Variants in CPED1 observed in about 807,000 individuals in gnomAD.
The protein encoded by CPED1 is cadherin-like and PC-esterase domain-containing protein 1.
In CPED1, 114 loss-of-function variants were observed where a neutral mutation model predicts 128.2. The ratio of observed to expected loss-of-function variants is 0.89; its 90% CI spans 0.76 to 1.04. The LOEUF (loss-of-function observed/expected upper bound fraction) is 1.04. Among genes scored for constraint, CPED1 ranks in the 50% least tolerant of loss-of-function variants. The pLI is 0.00. For missense variants in CPED1, 1,211 were observed against 1,207.1 expected (o/e 1.00, Z -0.05); for synonymous variants, 462 against 426.7 (o/e 1.08, Z -1.02).
chr7:121,155,684 T>A (rs1377142048), intron 16 of CPED1, among the ~76,000 whole-genome samples: 1 of 152,184 alleles, frequency 6.6e-6, no homozygotes, highest in East Asian at 1.9e-4. Context: ...AGACCCTTAT[T>A]TCTCATATGC....
At chr7:121,182,102 T>A (rs1049222523) in intron 16 of CPED1, among the ~76,000 whole-genome samples, 7 of 152,088 alleles carry the variant, frequency 4.6e-5, no homozygotes. Flanking sequence ...TGCATATTTC[T>A]GTTATTTTAG....
intron 22 of CPED1, among the ~76,000 whole-genome samples, chr7:121,273,067 A>G (rs1792264315): frequency 6.8e-6 from 1 of 146,752 alleles, no homozygotes; most frequent in African/African-American, 2.7e-5. Context: ...TGAAACTGAG[A>G]TGAATAGTGC....
chr7:121,207,239 C>T (rs1428400836), intron 16 of CPED1, among the ~76,000 whole-genome samples: 1 of 151,844 alleles, frequency 6.6e-6, no homozygotes, highest in Non-Finnish European at 1.5e-5. Context: ...TATTCTTGTA[C>T]TCATTTCTAT....
At chr7:121,101,672 T>G (rs767350057) in intron 7 of CPED1, among the ~76,000 whole-genome samples, 4 of 151,998 alleles carry the variant, frequency 2.6e-5, no homozygotes, top group Non-Finnish European at 5.9e-5. Flanking sequence ...TGTACAAGTA[T>G]GGAACCAGCA....
intron 16 of CPED1, among the ~76,000 whole-genome samples, chr7:121,190,100 A>G (rs554086408): frequency 2.0e-5 from 3 of 152,118 alleles, no homozygotes; most frequent in Admixed American, 2.0e-4. Flanking sequence ...GCTCTGAAGA[A>G]AAATTAAACA....
chr7:121,025,612 AC>A (rs1241545191), intron 3 of CPED1, among the ~76,000 whole-genome samples: 1 of 151,896 alleles, frequency 6.6e-6, no homozygotes, highest in Non-Finnish European at 1.5e-5. Context: ...GTTCTTCCAA[AC>A]CCTTTTCCCT....
rs776682837 is a variant in CPED1 at position 121,266,308 on chromosome 7, C to CAG, written c.2394_2395dup (p.Lys799ArgfsTer18). On this transcript the variant is annotated frameshift_variant, in exon 19 of 23. Coordinates refer to ENST00000310396, the MANE Select transcript of CPED1 (RefSeq NM_024913.5). LOFTEE classifies it high-confidence loss of function. ...GCTGAATGAAACGTTGCAGGAATGGCAGAAAGTACATGGCACTAAATTCTA... is the reference window on the plus strand; with the variant it reads ...GCTGAATGAAACGTTGCAGGAATGGCAGAGAAAGTACATGGCACTAAATTCTA... 5 of 1,613,126 alleles carry CAG rather than the reference C, an allele frequency of 3.1e-6. No individual in the cohort carries two copies. The highest frequency in any genetic ancestry group is 4.2e-6 in the Non-Finnish European group (5 of 1,179,392).
At chr7:121,150,771 A>G (rs994666689) in intron 16 of CPED1, among the ~76,000 whole-genome samples, 53 of 151,286 alleles carry the variant, frequency 3.5e-4, no homozygotes, top group Middle Eastern at 3.4e-3. Context: ...TATTATTATT[A>G]TTATTATTAT....
chr7:121,171,091 G>A lies in CPED1; in HGVS notation c.2055+28950G>A, dbSNP rs537025458. Among the ~76,000 whole-genome samples the A allele has an allele frequency of 5.3e-5, 8 of 151,864 alleles. No individual in the cohort carries two copies. In the East Asian group the frequency reaches 1.2e-3, roughly 22 times the overall value. ...AAAAAAATAAGAAAATTCAAAAGGA[G>A]ATCTTCATGTCTCTTAGTCTACTAG... On this transcript the variant is annotated intron_variant, in intron 16 of 22. Coordinates refer to ENST00000310396, the MANE Select transcript of CPED1 (RefSeq NM_024913.5).
At chr7:121,053,373 G>T (rs1046248163) in intron 4 of CPED1, among the ~76,000 whole-genome samples, 1 of 152,036 alleles carries the variant, frequency 6.6e-6, no homozygotes, top group African/African-American at 2.4e-5. Flanking sequence ...GTGTTTTGTG[G>T]AATGATCCTC....
intron 2 of CPED1, among the ~76,000 whole-genome samples, chr7:121,015,332 A>G (rs948704441): frequency 6.6e-6 from 1 of 152,370 alleles, no homozygotes; most frequent in Non-Finnish European, 1.5e-5. Context: ...ACTTTATAAA[A>G]GCACAGTGCA....
chr7:121,124,231 TAG>T, intron 7 of CPED1, 98 bp from the exon 8 acceptor site: 1 of 1,080,500 alleles, frequency 9.3e-7, no homozygotes. Flanking sequence ...GTGTGACAAG[TAG>T]AGATAACCTA....
At chr7:121,189,180 G>A (rs1180404005) in intron 16 of CPED1, among the ~76,000 whole-genome samples, 1 of 152,118 alleles carries the variant, frequency 6.6e-6, no homozygotes, top group African/African-American at 2.4e-5. Flanking sequence ...TTATGAAGAT[G>A]AAGGATACTT....
chr7:121,062,258 C>T (rs533290911), intron 4 of CPED1, among the ~76,000 whole-genome samples: 11 of 152,208 alleles, frequency 7.2e-5, no homozygotes, highest in Middle Eastern at 3.4e-3. Context: ...TCACCAGCAA[C>T]GGAATGATTT....
At position 121,200,162 on chromosome 7, in the gene CPED1, C is replaced by A. The variant is rs141107721; in HGVS notation, c.2056-36552C>A. Among the ~76,000 whole-genome samples the A allele has an allele frequency of 4.7e-4, 71 of 152,216 alleles. No homozygotes were observed. In the East Asian group the frequency reaches 0.014, roughly 29 times the overall value. ...ACATGTAAGATTTTCATAACATTAT[C>A]ATATTCATCATTTAATGAATCAATT... is the stretch of plus-strand genomic sequence containing the variant. On this transcript the variant is annotated intron_variant, in intron 16 of 22. Coordinates refer to ENST00000310396, the MANE Select transcript of CPED1 (RefSeq NM_024913.5).
intron 22 of CPED1, among the ~76,000 whole-genome samples, chr7:121,283,884 G>T (rs138091673): frequency 1.2e-3 from 189 of 152,296 alleles, no homozygotes; most frequent in Non-Finnish European, 2.2e-3. Context: ...CTCAGTTGGT[G>T]GGTTTCCAAA....
At chr7:121,191,050 A>G (rs1431972049) in intron 16 of CPED1, among the ~76,000 whole-genome samples, 1 of 152,144 alleles carries the variant, frequency 6.6e-6, no homozygotes, top group Non-Finnish European at 1.5e-5. Flanking sequence ...TGCCAAGGTT[A>G]CTGGGAGGTA....
At chr7:121,294,464 C>T (rs1240791206) in intron 22 of CPED1, among the ~76,000 whole-genome samples, 2 of 152,024 alleles carry the variant, frequency 1.3e-5, no homozygotes, top group Non-Finnish European at 2.9e-5. Flanking sequence ...CCAACAAATC[C>T]GTTTTCTTAG....
rs770313461 is a variant in CPED1, at chr7:121,097,766, G to A, written c.684G>A (p.Ser228=). The A allele has an allele frequency of 2.5e-6, 4 of 1,613,818 alleles. No individual in the cohort carries two copies. The highest frequency in any genetic ancestry group is 2.2e-5 in the South Asian group (2 of 91,076). The change falls in exon 6 of 23, where the codon TCG becomes TCA. Residue 228 remains serine (S), a synonymous_variant. Transcript: ENST00000310396. The part of the protein sequence containing the change: ...DQGMQLKPST[S]SHLLKTVKPR... ...GAATGCAATTAAAGCCGAGTACTTC[G>A]AGTCACCTTTTAAAAACAGTGAAGC...
Sources: allele counts gnomAD v4.1 joint callset (sites outside exome capture counted in the v4.1 genomes callset), GRCh38; gene constraint gnomAD v4.1.1; transcripts MANE v1.5; gene names NCBI Gene and HGNC (gene_info 2026-07-23, HGNC 2026-07-21).